Variants in UBE2L3 observed in about 807,000 individuals in gnomAD.
UBE2L3 encodes ubiquitin conjugating enzyme E2 L3, also known as ubiquitin-conjugating enzyme E2 L3.
Under a neutral mutation model 17.8 loss-of-function variants are expected in UBE2L3, and 1 was observed. The observed-to-expected ratio is 0.06, with a 90% confidence interval of 0.02 to 0.27. The LOEUF (loss-of-function observed/expected upper bound fraction) is 0.27. Among genes scored for constraint, UBE2L3 ranks in the 10% least tolerant of loss-of-function variants. The pLI, the probability that UBE2L3 is intolerant of heterozygous loss-of-function variation, is 1.00. For missense variants in UBE2L3, 40 were observed against 192.6 expected (o/e 0.21, Z 4.69); for synonymous variants, 44 against 68.5 (o/e 0.64, Z 1.76).
intron 2 of UBE2L3, among the ~76,000 whole-genome samples, chr22:21,598,211 T>TGTGTGTGTGTGTGTGTGTGTGTG (rs1555885650): frequency 2.0e-5 from 2 of 98,114 alleles, no homozygotes; most frequent in East Asian, 6.6e-4. Flanking sequence ...GTGTGTGTGT[T>TGTGTGTGTGTGTGTGTGTGTGTG]TTTCATTTAT....
At chr22:21,617,615 C>A (rs1206734029) in intron 3 of UBE2L3, among the ~76,000 whole-genome samples, 4 of 152,170 alleles carry the variant, frequency 2.6e-5, no homozygotes, top group Admixed American at 2.6e-4. Context: ...AAAAGTACTT[C>A]TGAGGAGCAT....
chr22:21,552,741 T>TTTTA, intron 1 of UBE2L3, among the ~76,000 whole-genome samples: 2 of 6,338 alleles, frequency 3.2e-4, no homozygotes, highest in South Asian at 2.6e-3. Flanking sequence ...TTTTTTTTTT[T>TTTTA]GAGATGGAGT....
At chr22:21,557,421 A>C (rs1197707821) in intron 1 of UBE2L3, among the ~76,000 whole-genome samples, 1 of 152,266 alleles carries the variant, frequency 6.6e-6, no homozygotes, top group Non-Finnish European at 1.5e-5. Flanking sequence ...AATAATAATA[A>C]ATAAAAATAA....
At chr22:21,575,859 C>T (rs1555884024) in intron 1 of UBE2L3, among the ~76,000 whole-genome samples, 1 of 151,536 alleles carries the variant, frequency 6.6e-6, no homozygotes, top group Non-Finnish European at 1.5e-5. Flanking sequence ...CCAGGCTGGT[C>T]TCGAACTCCT....
chr22:21,611,815 T>A (rs1269805118), intron 3 of UBE2L3, among the ~76,000 whole-genome samples: 1 of 152,156 alleles, frequency 6.6e-6, no homozygotes, highest in Non-Finnish European at 1.5e-5. Context: ...TGGCTTCCTT[T>A]TAAGTACCTA....
At chr22:21,600,326 A>G (rs931824971) in intron 2 of UBE2L3, among the ~76,000 whole-genome samples, 2 of 152,098 alleles carry the variant, frequency 1.3e-5, no homozygotes, top group African/African-American at 4.8e-5. Flanking sequence ...AAAACAAAAC[A>G]AAACAAAACA....
At chr22:21,579,526 T>G (rs1927511992) in intron 1 of UBE2L3, among the ~76,000 whole-genome samples, 2 of 152,154 alleles carry the variant, frequency 1.3e-5, no homozygotes, top group African/African-American at 4.8e-5. Flanking sequence ...ATCCCAGCAC[T>G]TAGGAAGGCT....
chr22:21,584,281 G>A (rs558549746), intron 1 of UBE2L3, among the ~76,000 whole-genome samples: 2 of 150,558 alleles, frequency 1.3e-5, no homozygotes, highest in South Asian at 2.1e-4. Flanking sequence ...GGGTTCAAGC[G>A]ATTCTTCTGC....
intron 1 of UBE2L3, chr22:21,568,140 C>T (rs1021871816): frequency 5.8e-6 from 6 of 1,031,958 alleles, no homozygotes; most frequent in Middle Eastern, 4.6e-4. Flanking sequence ...GGGGAAGGCC[C>T]GAGCGCCGGA....
At chr22:21,560,641 A>G (rs1462153976) in intron 1 of UBE2L3, among the ~76,000 whole-genome samples, 1 of 150,748 alleles carries the variant, frequency 6.6e-6, no homozygotes, top group African/African-American at 2.5e-5. Context: ...AGCAGAGACG[A>G]GGTTTCACCA....
At chr22:21,615,326 C>T (rs528401016) in intron 3 of UBE2L3, among the ~76,000 whole-genome samples, 7 of 152,060 alleles carry the variant, frequency 4.6e-5, no homozygotes, top group East Asian at 1.9e-4. Context: ...GAGGCCAAGG[C>T]GGGCAGATCA....
At chr22:21,567,324 T>C (rs1926677846), upstream of UBE2L3, among the ~76,000 whole-genome samples, 2 of 152,120 alleles carry the variant, frequency 1.3e-5, no homozygotes, top group South Asian at 4.1e-4. Flanking sequence ...CCACCACGCC[T>C]GGCTAATTTT....
At chr22:21,620,503 T>C (rs748390305) in intron 3 of UBE2L3, among the ~76,000 whole-genome samples, 1 of 152,166 alleles carries the variant, frequency 6.6e-6, no homozygotes, top group Non-Finnish European at 1.5e-5. Context: ...AGGAACATTC[T>C]GAGGGTGCTG....
chr22:21,578,330 A>C (rs1202596153), intron 1 of UBE2L3, among the ~76,000 whole-genome samples: 2 of 151,414 alleles, frequency 1.3e-5, no homozygotes, highest in Non-Finnish European at 2.9e-5. Flanking sequence ...ACTGCACTCC[A>C]GCCTGGGTGA....
At chr22:21,595,173 T>C (rs913635138) in intron 2 of UBE2L3, among the ~76,000 whole-genome samples, 14 of 152,234 alleles carry the variant, frequency 9.2e-5, no homozygotes, top group African/African-American at 3.4e-4. Flanking sequence ...AAGTTTCACC[T>C]TGGAGACGGT....
chr22:21,584,688 A>G (rs1374261468), intron 1 of UBE2L3, among the ~76,000 whole-genome samples: 2 of 149,474 alleles, frequency 1.3e-5, no homozygotes, highest in South Asian at 4.3e-4. Flanking sequence ...CGCTTCGGCA[A>G]CCCAAAGTGC....
chr22:21,584,273 G>A (rs1601409444), intron 1 of UBE2L3, among the ~76,000 whole-genome samples: 1 of 151,118 alleles, frequency 6.6e-6, no homozygotes, highest in East Asian at 2.0e-4. Flanking sequence ...CACCTCCCGG[G>A]TTCAAGCGAT....
At chr22:21,565,045 G>T (rs969971950), upstream of UBE2L3, among the ~76,000 whole-genome samples, 2 of 151,840 alleles carry the variant, frequency 1.3e-5, no homozygotes, top group African/African-American at 4.8e-5. Flanking sequence ...GTCAAGCCTG[G>T]GCTCCCAAGA....
intron 2 of UBE2L3, among the ~76,000 whole-genome samples, chr22:21,606,298 G>C (rs562933968): frequency 6.6e-6 from 1 of 151,886 alleles, no homozygotes; most frequent in Non-Finnish European, 1.5e-5. Context: ...AAGTGTGCGC[G>C]CGCGCGTGTG....
Sources: allele counts gnomAD v4.1 joint callset (sites outside exome capture counted in the v4.1 genomes callset), GRCh38; gene constraint gnomAD v4.1.1; transcripts MANE v1.5; gene names NCBI Gene and HGNC (gene_info 2026-07-23, HGNC 2026-07-21).